Variants in MINK1 observed in about 807,000 individuals in gnomAD.
MINK1 encodes misshapen like kinase 1, also known as misshapen-like kinase 1.
Under a neutral mutation model 178.4 loss-of-function variants are expected in MINK1, and 46 were observed. The observed-to-expected ratio is 0.26, with a 90% CI of 0.20 to 0.33. The LOEUF (loss-of-function observed/expected upper bound fraction) is 0.33, where lower values mean the gene tolerates loss of function less well. Among genes scored for constraint, MINK1 ranks in the 10% least tolerant of loss-of-function variants. MINK1 has a pLI of 1.00. For synonymous variants in MINK1, 797 were observed against 709.7 expected (o/e 1.12, Z -1.96); for missense variants, 1,366 against 1,814.9 (o/e 0.75, Z 4.49).
chr17:4,854,580 C>T (rs545461318), intron 1 of MINK1, among the ~76,000 whole-genome samples: 15 of 152,174 alleles, frequency 9.9e-5, no homozygotes, highest in Non-Finnish European at 1.8e-4. Flanking sequence ...TGTGTGCATG[C>T]GTGTGTCTCA....
rs768533020 is a variant in MINK1 at position 4,891,744 on chromosome 17, A to C, written c.2001+28A>C. ...AAGGACAGTTCTGCAGGCCCAGGGA[A>C]AAGCAGAGAGCTAGTCATGAAGAGA... On this transcript the variant is annotated intron_variant, in intron 16 of 31. Coordinates refer to ENST00000355280, the MANE Select transcript of MINK1 (RefSeq NM_153827.5). The C allele has an allele frequency of 5.7e-6, 9 of 1,581,788 alleles. No individual in the cohort carries two copies. In the African/African-American group the frequency reaches 1.1e-4, roughly 19 times the overall value.
At chr17:4,864,113 A>G (rs1367526678) in intron 1 of MINK1, among the ~76,000 whole-genome samples, 2 of 151,088 alleles carry the variant, frequency 1.3e-5, no homozygotes, top group Non-Finnish European at 1.5e-5. Context: ...TTAAAGGGCT[A>G]TGGGGGCCAG....
At chr17:4,864,936 G>T (rs905339762) in intron 1 of MINK1, among the ~76,000 whole-genome samples, 2 of 152,166 alleles carry the variant, frequency 1.3e-5, no homozygotes, top group East Asian at 3.9e-4. Flanking sequence ...CCCCAGCCTC[G>T]GTCAGGTGTG....
chr17:4,840,299 A>G lies in MINK1; in HGVS notation c.57+6659A>G, dbSNP rs76259355. Among the ~76,000 whole-genome samples, 95 of 152,306 alleles carry G rather than the reference A, an allele frequency of 6.2e-4. 1 individual carries two copies. In the East Asian group the frequency reaches 0.017, roughly 27 times the overall value. On this transcript the variant is annotated intron_variant, in intron 1 of 31. Coordinates refer to ENST00000355280, the MANE Select transcript of MINK1 (RefSeq NM_153827.5). ...ATTCTTATGGTGAAGCATTTGGTCAACAATTGAGGGCAAGAAGCCTGAGGA... is the reference window on the plus strand; with the variant it reads ...ATTCTTATGGTGAAGCATTTGGTCAGCAATTGAGGGCAAGAAGCCTGAGGA...
Position 4,896,145 on chromosome 17 carries a change from C to T in MINK1, c.3465+42C>T, listed in dbSNP as rs368793363. The T allele has an allele frequency of 1.6e-5, 25 of 1,604,372 alleles. No homozygotes were observed. The highest frequency in any genetic ancestry group is 4.0e-5 in the African/African-American group (3 of 74,656). On this transcript the variant is annotated intron_variant, in intron 28 of 31. Coordinates refer to ENST00000355280, the MANE Select transcript of MINK1 (RefSeq NM_153827.5). The surrounding 1 kb of genome is among the most constrained non-coding windows in gnomAD (Gnocchi z 4.6). ...TCCCTAACACCATCTGGAGTCCCAG[C>T]GCCTCTCCCCGTGCCCCTGAGCCCT...
chr17:4,877,880 A>G (rs7218657), intron 1 of MINK1, among the ~76,000 whole-genome samples: 218 of 139,638 alleles, frequency 1.6e-3, no homozygotes, highest in Non-Finnish European at 2.7e-3. Context: ...GCGCAATCTC[A>G]GCTCACTGCA....
intron 1 of MINK1, among the ~76,000 whole-genome samples, chr17:4,849,428 C>T (rs544711657): frequency 4.3e-4 from 66 of 152,298 alleles, no homozygotes; most frequent in Non-Finnish European, 6.9e-4. Flanking sequence ...TTGAAAGGCA[C>T]AGATTGAAGG....
rs1968734190 is a variant in MINK1 at position 4,891,035 on chromosome 17, A to C, written c.1651A>C (p.Ile551Leu). Residue 551 changes from isoleucine (I) to leucine (L), a missense_variant, in exon 15 of 32, where the codon ATC becomes CTC. Around this residue, in one of 14 missense-constraint regions of MINK1, gnomAD observed 709 missense variants for 692.3 expected, o/e 1.02. Transcript: ENST00000355280. ...KPGSTGPEPP[I>L]PQASPGPPGP... ...AGGCAGCACGGGGCCTGAGCCCCCCATCCCCCAGGCCTCCCCAGGGCCCCC... is the reference window on the plus strand; with the variant it reads ...AGGCAGCACGGGGCCTGAGCCCCCCCTCCCCCAGGCCTCCCCAGGGCCCCC... The C allele has an allele frequency of 6.4e-7, 1 of 1,556,702 alleles. No individual in the cohort carries two copies. The highest frequency in any genetic ancestry group is 8.7e-7 in the Non-Finnish European group (1 of 1,150,374).
intron 1 of MINK1, among the ~76,000 whole-genome samples, chr17:4,842,392 G>C (rs752677139): frequency 1.3e-5 from 2 of 152,280 alleles, no homozygotes; most frequent in East Asian, 3.9e-4. Flanking sequence ...GAGACCCGGG[G>C]AGGGACTGGA....
chr17:4,894,903 T>G lies in MINK1; in HGVS notation c.2918-172T>G, dbSNP rs2151070087. On this transcript the variant is annotated intron_variant, in intron 24 of 31. Transcript: ENST00000355280. The surrounding 1 kb of genome is among the most constrained non-coding windows in gnomAD (Gnocchi z 4.1). The stretch of plus-strand genomic sequence containing the variant: ...GAAATGGGACTTGAGCCAGACCTTT[T>G]GACTCCAAGTCCAGCACTCTATCCC... The G allele has an allele frequency of 1.3e-6, 1 of 750,626 alleles. No homozygotes were observed. Among genetic ancestry groups the G allele is most frequent in the African/African-American group, 1.8e-5 (1 of 56,820 alleles). 46.5% of individuals were successfully genotyped at this position (750,626 alleles called of 1,614,324 possible). A position where few individuals can be genotyped will look rare whatever the true frequency, so the allele number is the denominator to read the frequency against.
In MINK1 at chr17:4,843,929, G is replaced by T. The variant is rs532577680; in HGVS notation, c.57+10289G>T. On this transcript the variant is annotated intron_variant, in intron 1 of 31. Coordinates refer to ENST00000355280, the MANE Select transcript of MINK1 (RefSeq NM_153827.5). ...GGTATTTGGGGGTGGGCACTGAGGG[G>T]AGGACAGGAGGGCAGTGTGTAGCTG... Among the ~76,000 whole-genome samples, 25 of 152,262 alleles carry T rather than the reference G, an allele frequency of 1.6e-4. No individual in the cohort carries two copies. In the East Asian group the frequency reaches 1.7e-3, roughly 11 times the overall value.
At chr17:4,855,823 A>G (rs1445035693) in intron 1 of MINK1, among the ~76,000 whole-genome samples, 1 of 151,418 alleles carries the variant, frequency 6.6e-6, no homozygotes, top group African/African-American at 2.4e-5. Context: ...ATACAAAAAA[A>G]ATCAGCTGGA....
intron 1 of MINK1, among the ~76,000 whole-genome samples, chr17:4,844,402 A>G (rs1910696235): frequency 6.6e-6 from 1 of 152,128 alleles, no homozygotes; most frequent in Non-Finnish European, 1.5e-5. Flanking sequence ...GTTTCTTGGT[A>G]AAGTTTTTGG....
At chr17:4,897,013 C>T (rs745468245) in intron 31 of MINK1, 191 bp from the exon 32 acceptor site, 10 of 892,382 alleles carry the variant, frequency 1.1e-5, no homozygotes, top group African/African-American at 5.1e-5. Flanking sequence ...CCCCAGGGGG[C>T]GAGTGGTGCA....
At chr17:4,882,700 G>A (rs914534396) in intron 4 of MINK1, among the ~76,000 whole-genome samples, 1 of 152,220 alleles carries the variant, frequency 6.6e-6, no homozygotes, top group Non-Finnish European at 1.5e-5. Context: ...GCAATAGTCA[G>A]TACGTAAACG....
intron 15 of MINK1, 24 bp from the exon 16 acceptor site, chr17:4,891,432 A>G (rs966997370): frequency 2.0e-6 from 3 of 1,525,266 alleles, no homozygotes; most frequent in African/African-American, 2.8e-5. Context: ...CAGGCAGCCC[A>G]CCCTCCCTGG....
chr17:4,843,157 A>G (rs530824310), intron 1 of MINK1, among the ~76,000 whole-genome samples: 2 of 152,268 alleles, frequency 1.3e-5, no homozygotes, highest in Admixed American at 6.5e-5. Flanking sequence ...GAAGCAGGGT[A>G]GGGGGAACAG....
rs763517621 is a variant in MINK1, at chr17:4,894,289, C to T, written c.2786C>T (p.Pro929Leu). The part of the protein sequence containing the change: ...PTENSKGQSP[P>L]SKDGSGDYQS... ...GAGAACAGCAAAGGCCAAAGCCCACCCTCGAAGGATGGGAGTGGTGACGTA... is the reference window on the plus strand; with the variant it reads ...GAGAACAGCAAAGGCCAAAGCCCACTCTCGAAGGATGGGAGTGGTGACGTA... Residue 929 changes from proline (P) to leucine (L), a missense_variant, in exon 23 of 32, where the codon CCC becomes CTC. Pro to Leu is a moderately conservative substitution (Grantham distance 98). Coordinates refer to ENST00000355280, the MANE Select transcript of MINK1 (RefSeq NM_153827.5). This position sits in a 1 kb window ranked among gnomAD's most constrained non-coding sequence, Gnocchi z 4.1. The T allele has an allele frequency of 8.1e-6, 13 of 1,612,756 alleles. No individual in the cohort carries two copies. In the Admixed American group the frequency reaches 1.3e-4, roughly 17 times the overall value.
At chr17:4,890,898 T>G (rs1043861950) in intron 14 of MINK1, 53 bp from the exon 15 acceptor site, 1 of 1,549,922 alleles carries the variant, frequency 6.5e-7, no homozygotes, top group Non-Finnish European at 8.7e-7. Flanking sequence ...GACCCTCAGT[T>G]TTGAGAACAG....
Sources: allele counts gnomAD v4.1 joint callset (sites outside exome capture counted in the v4.1 genomes callset), GRCh38; gene constraint gnomAD v4.1.1; regional missense constraint gnomAD v4.1.1; non-coding constraint Gnocchi (gnomAD v3.1); transcripts MANE v1.5; gene names NCBI Gene and HGNC (gene_info 2026-07-23, HGNC 2026-07-21).